The following TRAPPC2L variants were observed in gnomAD, a reference collection of about 807,000 sequenced individuals.
TRAPPC2L encodes the protein trafficking protein particle complex subunit 2-like protein.
In TRAPPC2L, 17 loss-of-function variants were observed where a neutral mutation model predicts 13.2. That is an observed-to-expected ratio of 1.29 (90% CI 0.88 to 1.93). The LOEUF (loss-of-function observed/expected upper bound fraction) is 1.93, where lower values mean the gene tolerates loss of function less well. Among genes scored for constraint, TRAPPC2L ranks in the 30% most tolerant of loss-of-function variants. TRAPPC2L has a pLI of 0.00. For missense variants in TRAPPC2L, 359 were observed against 252.1 expected, an observed-to-expected ratio of 1.42 and a Z score of -2.87; for synonymous variants, 150 against 98.1, an observed-to-expected ratio of 1.53 and a Z score of -3.12.
rs868748112 is a variant in TRAPPC2L, at chr16:88,858,858, T to C, written c.206+67T>C. On this transcript the variant is annotated intron_variant, in intron 2 of 3. Transcript: ENST00000565504. ...TTGCAAGATGTACTTTAGGATCAGA[T>C]AACTTGAAACCTTTTAGAAGAAAAA... 14 of 1,518,862 alleles carry C rather than the reference T, an allele frequency of 9.2e-6. No individual in the cohort carries two copies. The Middle Eastern group carries it at 1.6e-3, about 172-fold the overall frequency. 94.1% of individuals were successfully genotyped at this position (1,518,862 alleles called of 1,614,324 possible).
chr16:88,859,006 G>T, intron 2 of TRAPPC2L: 2 of 584,878 alleles, frequency 3.4e-6, no homozygotes, highest in South Asian at 2.1e-5. Context: ...CCCGTAGAAT[G>T]TTTTGGTTTG....
upstream of TRAPPC2L, chr16:88,856,313 C>G: frequency 1.4e-6 from 1 of 702,828 alleles, no homozygotes. Flanking sequence ...TAGGGCGACG[C>G]AGCTCTCAGG....
rs755473164 is a variant in TRAPPC2L at position 88,857,187 on chromosome 16, C to G, written c.33+4C>G. Reference sequence around the variant, plus strand: ...CATCGCGGTGATTGCCAAGGAGGTGCGTACGCGCGGCGTGGGGCGTCCGGG... The same window carrying G: ...CATCGCGGTGATTGCCAAGGAGGTGGGTACGCGCGGCGTGGGGCGTCCGGG... On this transcript the variant is annotated splice_donor_region_variant and intron_variant, in intron 1 of 3. Coordinates refer to ENST00000565504, the Ensembl canonical transcript of TRAPPC2L. 4.4e-6 allele frequency: 7 copies of G among 1,573,052 alleles called. No individual in the cohort carries two copies. Among genetic ancestry groups the G allele is most frequent in the Non-Finnish European group, 6.0e-6 (7 of 1,164,862 alleles).
At chr16:88,856,928 G>A (rs1017343183), upstream of TRAPPC2L, 1 of 1,479,064 alleles carries the variant, frequency 6.8e-7, no homozygotes, top group Non-Finnish European at 8.9e-7. Context: ...CCTAGCGAGC[G>A]TCCGCCGGCC....
chr16:88,861,886 T>A, exon 4 of TRAPPC2L: 1 of 296,182 alleles, frequency 3.4e-6, no homozygotes, highest in Non-Finnish European at 6.8e-6. Flanking sequence ...TGATACATAT[T>A]TGCCTTTTCA....
At chr16:88,859,174 C>T (rs1968200189) in intron 2 of TRAPPC2L, 3 of 444,510 alleles carry the variant, frequency 6.7e-6, no homozygotes, top group African/African-American at 4.0e-5. Flanking sequence ...TCACTAGACA[C>T]TCGTCTAGTC....
chr16:88,861,050 C>A, exon 4 of TRAPPC2L: 1 of 1,303,610 alleles, frequency 7.7e-7, no homozygotes, highest in East Asian at 2.5e-5. Flanking sequence ...CTGAATGGGA[C>A]GCCTGGGGCT....
At chr16:88,860,646 C>T (rs544237421) in exon 4 of TRAPPC2L, 5 of 596,002 alleles carry the variant, frequency 8.4e-6, no homozygotes, top group African/African-American at 3.7e-5. Flanking sequence ...ATCCTTGCCA[C>T]ACCACCGCTC....
At chr16:88,857,067 T>C (rs1470380990), upstream of TRAPPC2L, 2 of 1,492,068 alleles carry the variant, frequency 1.3e-6, no homozygotes, top group Non-Finnish European at 8.9e-7. Context: ...CTGAGCCAGC[T>C]GTGTGCGGAT....
chr16:88,859,707 T>C (rs1396323284), exon 3 of TRAPPC2L: 1 of 1,614,032 alleles, frequency 6.2e-7, no homozygotes, highest in Non-Finnish European at 8.5e-7. Context: ...GTCATGGTGG[T>C]AGATTCCTCC....
chr16:88,861,481 C>G, exon 4 of TRAPPC2L: 5 of 355,532 alleles, frequency 1.4e-5, no homozygotes, highest in South Asian at 1.0e-4. Flanking sequence ...GGATTCCGCC[C>G]GGCCTTAAAA....
At chr16:88,861,014 C>T (rs912622561) in exon 4 of TRAPPC2L, 76 of 1,534,546 alleles carry the variant, frequency 5.0e-5, no homozygotes, top group South Asian at 2.7e-4. Flanking sequence ...GTGGTGGGGC[C>T]GTCGGTCTGT....
chr16:88,857,661 T>C (rs1968044680), intron 1 of TRAPPC2L, among the ~76,000 whole-genome samples: 1 of 152,248 alleles, frequency 6.6e-6, no homozygotes, highest in African/African-American at 2.4e-5. Context: ...TAACCTGCTC[T>C]GGGATCCTTT....
exon 2 of TRAPPC2L, chr16:88,858,620 A>G (rs1968151492): frequency 1.2e-6 from 2 of 1,612,568 alleles, no homozygotes; most frequent in South Asian, 1.1e-5. Context: ...TTCTTGCAGA[A>G]TTACCCCCTC....
chr16:88,858,869 C>G (rs1294328725), intron 2 of TRAPPC2L, 78 bp downstream of exon 2: 1 of 1,466,132 alleles, frequency 6.8e-7, no homozygotes, highest in Non-Finnish European at 9.1e-7. Context: ...AACTTGAAAC[C>G]TTTTAGAAGA....
At chr16:88,856,436 A>T (rs1451554348), upstream of TRAPPC2L, 1 of 700,494 alleles carries the variant, frequency 1.4e-6, no homozygotes, top group East Asian at 2.7e-5. Context: ...GCCCGGTAGC[A>T]CGCCGGCCAC....
exon 4 of TRAPPC2L, chr16:88,860,752 T>A (rs1968324268): frequency 5.4e-6 from 4 of 737,776 alleles, no homozygotes; most frequent in Non-Finnish European, 6.8e-6. Context: ...CAGTGCCCGG[T>A]GGGGTGGGAC....
rs570156029 is a variant in TRAPPC2L, at chr16:88,858,504, A to C, written c.34-115A>C. ...TAGAGAATGAAGCGGTGGGCCTTAG[A>C]GCATGGGAATGCGTTCCCCGGGTGG... On this transcript the variant is annotated intron_variant, in intron 1 of 3. Coordinates refer to ENST00000565504, the Ensembl canonical transcript of TRAPPC2L. The C allele has an allele frequency of 3.0e-5, 34 of 1,140,356 alleles. No individual in the cohort carries two copies. The African/African-American group carries it at 4.6e-4, about 15-fold the overall frequency. 70.6% of individuals were successfully genotyped at this position (1,140,356 alleles called of 1,614,324 possible).
chr16:88,858,541 G>A lies in TRAPPC2L; in HGVS notation c.34-78G>A, dbSNP rs556418604. ...CGTTCCCCGGGTGGCTGCAGGTCAC[G>A]GCTCTGCAGCATAGTTCAGAGCTGG... On this transcript the variant is annotated intron_variant, in intron 1 of 3. Coordinates refer to ENST00000565504, the Ensembl canonical transcript of TRAPPC2L. 648 of 1,499,748 alleles carry A rather than the reference G, an allele frequency of 4.3e-4. 2 individuals are homozygous for A. The Middle Eastern group carries it at 7.9e-3, about 18-fold the overall frequency. 92.9% of individuals were successfully genotyped at this position (1,499,748 alleles called of 1,614,324 possible).
Sources: allele counts gnomAD v4.1 joint callset (sites outside exome capture counted in the v4.1 genomes callset), GRCh38; gene constraint gnomAD v4.1.1; transcripts MANE v1.5; gene names NCBI Gene and HGNC (gene_info 2026-07-23, HGNC 2026-07-21).